The following MADD variants were observed in gnomAD, a reference collection of about 807,000 sequenced individuals.
MADD encodes the protein MAP kinase-activating death domain protein.
Under a neutral mutation model 176.7 loss-of-function variants are expected in MADD, and 109 were observed. That is an observed-to-expected ratio of 0.62 (90% CI 0.53 to 0.72). The LOEUF (loss-of-function observed/expected upper bound fraction) is 0.72. MADD is among the 30% of genes least tolerant of loss of function. MADD has a pLI of 0.00. For missense variants in MADD, 1,914 were observed against 2,045.5 expected, an observed-to-expected ratio of 0.94 and a Z score of 1.24; for synonymous variants, 771 against 771.3, an observed-to-expected ratio of 1.00 and a Z score of 0.01.
At chr11:47,289,278 C>T (rs2063282239) in intron 15 of MADD, 113 bp from the exon 17 acceptor site, 17 of 933,018 alleles carry the variant, frequency 1.8e-5, no homozygotes, top group Non-Finnish European at 3.4e-6. Flanking sequence ...TGGTGCTACC[C>T]TCACCCAGCC....
At chr11:47,281,660 G>A (rs2056842410) in exon 8 of MADD, 1 of 1,613,436 alleles carries the variant, frequency 6.2e-7, no homozygotes, top group Non-Finnish European at 8.5e-7. Flanking sequence ...CTTCTCTTGG[G>A]AAGGCCTTCT....
At chr11:47,324,945 T>G (rs981802016) in intron 30 of MADD, 2 of 595,562 alleles carry the variant, frequency 3.4e-6, no homozygotes, top group Admixed American at 5.9e-5. Flanking sequence ...TGGTTTTGCT[T>G]TGAGAGTCTA....
At chr11:47,308,874 A>G (rs2085452763) in intron 23 of MADD, 106 bp from the exon 26 acceptor site, 6 of 1,191,994 alleles carry the variant, frequency 5.0e-6, no homozygotes, top group Non-Finnish European at 7.4e-6. Flanking sequence ...CAGTGGGTGA[A>G]AACTGGACAA....
At chr11:47,309,609 G>T (rs776997662) in exon 25 of MADD, 1 of 1,612,068 alleles carries the variant, frequency 6.2e-7, no homozygotes, top group Admixed American at 1.7e-5. Context: ...TGCTGCTGAT[G>T]AAGGTAATGT....
intron 25 of MADD, 64 bp from the exon 29 acceptor site, chr11:47,311,668 T>A: frequency 9.7e-7 from 1 of 1,029,168 alleles, no homozygotes; most frequent in Non-Finnish European, 1.5e-6. Flanking sequence ...GTACATTCTC[T>A]TTTCTCTACC....
chr11:47,321,019 A>G lies in MADD; in HGVS notation c.4198-2652A>G, dbSNP rs1364612333. Among the ~76,000 whole-genome samples, 4 of 152,340 alleles carry G rather than the reference A, an allele frequency of 2.6e-5. No individual in the cohort carries two copies. The East Asian group carries it at 5.8e-4, about 22-fold the overall frequency. On this transcript the variant is annotated intron_variant, in intron 27 of 32. Transcript: ENST00000402192. ...ATTTCTATAGGATATAGTCCTAGACATGAAAATTTCAAGTCAAGCTTATAT... is the reference window on the plus strand; with the variant it reads ...ATTTCTATAGGATATAGTCCTAGACGTGAAAATTTCAAGTCAAGCTTATAT...
chr11:47,300,352 G>A (rs562211493), intron 22 of MADD, among the ~76,000 whole-genome samples: 10 of 149,346 alleles, frequency 6.7e-5, no homozygotes, highest in South Asian at 4.3e-4. Flanking sequence ...GATTACAGGC[G>A]CCCACGACCA....
chr11:47,277,640 C>T (rs1254687757), intron 5 of MADD, among the ~76,000 whole-genome samples: 1 of 152,214 alleles, frequency 6.6e-6, no homozygotes, highest in African/African-American at 2.4e-5. Flanking sequence ...ATCCCAATTG[C>T]CAGCATCAGT....
At chr11:47,292,454 C>A in intron 19 of MADD, 89 bp from the exon 21 acceptor site, 2 of 1,159,170 alleles carry the variant, frequency 1.7e-6, no homozygotes, top group Non-Finnish European at 2.6e-6. Context: ...GAGACTGAAT[C>A]GACTTGGGTG....
upstream of MADD, chr11:47,269,433 T>C (rs1449627): frequency 3.3e-5 from 5 of 152,154 alleles, no homozygotes; most frequent in Admixed American, 6.5e-5. Flanking sequence ...CATGCCTTGG[T>C]TTTTCCTTTG....
exon 32 of MADD, chr11:47,328,668 T>C (rs1565604533): frequency 1.2e-6 from 2 of 1,614,188 alleles, no homozygotes. Flanking sequence ...TTCCTGAAAT[T>C]AAAGAAGTGG....
chr11:47,290,028 C>T, exon 17 of MADD: 1 of 1,614,122 alleles, frequency 6.2e-7, no homozygotes, highest in Non-Finnish European at 8.5e-7. Context: ...GAGGACGATG[C>T]CCGGCAGGAC....
At chr11:47,292,414 T>G in intron 19 of MADD, 129 bp from the exon 21 acceptor site, 1 of 783,946 alleles carries the variant, frequency 1.3e-6, no homozygotes, top group South Asian at 1.4e-5. Context: ...GAAGATATCT[T>G]TGTATCTCTT....
intron 22 of MADD, among the ~76,000 whole-genome samples, chr11:47,307,389 A>G (rs2083691471): frequency 6.6e-6 from 1 of 152,196 alleles, no homozygotes; most frequent in Admixed American, 6.6e-5. Context: ...CTGGTGAGCA[A>G]GGGCTCTTTA....
chr11:47,327,628 T>C (rs1197584719), intron 31 of MADD: 1 of 985,328 alleles, frequency 1.0e-6, no homozygotes, highest in Non-Finnish European at 1.2e-6. Flanking sequence ...CCTCCCCGTG[T>C]GTTCCCTTCT....
chr11:47,289,299 A>G, intron 15 of MADD, 92 bp from the exon 17 acceptor site: 1 of 1,058,762 alleles, frequency 9.4e-7, no homozygotes. Flanking sequence ...CTTCTGAGGA[A>G]CGGGCATGGA....
exon 24 of MADD, chr11:47,309,395 T>G (rs760785389): frequency 1.5e-5 from 24 of 1,614,174 alleles, no homozygotes; most frequent in Non-Finnish European, 2.0e-5. Context: ...CAGGAAATGA[T>G]CGACAGGTAT....
chr11:47,292,691 C>G (rs966668918), intron 19 of MADD, 95 bp downstream of exon 21: 2 of 1,238,388 alleles, frequency 1.6e-6, no homozygotes, highest in Admixed American at 1.7e-5. Flanking sequence ...AGCCCCACCC[C>G]AAATTTGCTC....
chr11:47,275,968 C>T, exon 4 of MADD: 1 of 1,614,216 alleles, frequency 6.2e-7, no homozygotes. Flanking sequence ...TTCTGCATGA[C>T]CTTCGAGAGA....
Sources: gnomAD v4.1 joint callset for allele counts (sites outside exome capture counted in the v4.1 genomes callset) on GRCh38, gnomAD v4.1.1 for gene constraint, MANE v1.5 for transcripts, NCBI Gene and HGNC (gene_info 2026-07-23, HGNC 2026-07-21) for gene names.